The following CSMD1 variants were observed in gnomAD, a reference collection of about 807,000 sequenced individuals.
The protein encoded by CSMD1 is CUB and sushi domain-containing protein 1.
Under a neutral mutation model 417.5 loss-of-function variants are expected in CSMD1, and 213 were observed. The ratio of observed to expected loss-of-function variants is 0.51; its 90% CI spans 0.46 to 0.57. The LOEUF (loss-of-function observed/expected upper bound fraction) is 0.57. Ranked by LOEUF, CSMD1 falls within the 20% of genes least tolerant of loss-of-function variation. The pLI is 0.00. For synonymous variants in CSMD1, 2,862 were observed against 1,736.8 expected (o/e 1.65, Z -16.11); for missense variants, 6,923 against 4,529.7 (o/e 1.53, Z -15.17).
intron 1 of CSMD1, among the ~76,000 whole-genome samples, chr8:4,902,812 T>C (rs4875127): frequency 0.9 from 136,776 of 151,848 alleles, 61,829 homozygotes; most frequent in East Asian, 1. Context: ...TGTGTATCCT[T>C]TTCACAAAAT....
chr8:3,797,180 TTGAAATGTCAAAGAACTTCAATC>T (rs1454219954), intron 5 of CSMD1, among the ~76,000 whole-genome samples: 1 of 151,940 alleles, frequency 6.6e-6, no homozygotes. Context: ...TCTATTCAAC[TTGAAATGTCAAAGAACTTCAATC>T]TGAAATATCA....
At chr8:4,402,244 A>G (rs1489060958) in intron 3 of CSMD1, among the ~76,000 whole-genome samples, 1 of 152,102 alleles carries the variant, frequency 6.6e-6, no homozygotes, top group Non-Finnish European at 1.5e-5. Flanking sequence ...CATTCCCTCC[A>G]GGAACATCAT....
intron 2 of CSMD1, among the ~76,000 whole-genome samples, chr8:4,535,682 G>C (rs138389982): frequency 5.9e-4 from 90 of 152,182 alleles, no homozygotes; most frequent in African/African-American, 2.0e-3. Context: ...TTTCTGAGGA[G>C]CCCTGATCTC....
intron 2 of CSMD1, among the ~76,000 whole-genome samples, chr8:4,423,040 G>C (rs1345827487): frequency 6.6e-6 from 1 of 151,880 alleles, no homozygotes; most frequent in East Asian, 1.9e-4. Context: ...ACTTGACAAA[G>C]AATATCTCTA....
rs192272253 is a variant in CSMD1 at position 4,207,226 on chromosome 8, T to A, written c.416-175127A>T. On this transcript the variant is annotated intron_variant, in intron 3 of 69. Transcript: ENST00000635120. Reference sequence around the variant, plus strand: ...AATGAATGTGAAAAGTTGTATAACATGCAAATATAGCCAGCATTCCCATTA... The same window carrying A: ...AATGAATGTGAAAAGTTGTATAACAAGCAAATATAGCCAGCATTCCCATTA... Among the ~76,000 whole-genome samples the A allele has an allele frequency of 2.8e-3, 431 of 152,288 alleles. 1 individual carries two copies. Among genetic ancestry groups the A allele is most frequent in the African/African-American group, 9.5e-3 (393 of 41,578 alleles).
chr8:3,936,823 T>C (rs1810531720), intron 5 of CSMD1, among the ~76,000 whole-genome samples: 1 of 152,196 alleles, frequency 6.6e-6, no homozygotes. Flanking sequence ...CATAAGGCTA[T>C]TGCTGCATGG....
chr8:3,638,297 G>A (rs1023984772), intron 7 of CSMD1, among the ~76,000 whole-genome samples: 10 of 152,240 alleles, frequency 6.6e-5, no homozygotes, highest in Middle Eastern at 3.4e-3. Flanking sequence ...TAGAAAATGT[G>A]TCATCCATTT....
At chr8:4,186,193 A>T (rs774839099) in intron 3 of CSMD1, among the ~76,000 whole-genome samples, 2 of 152,254 alleles carry the variant, frequency 1.3e-5, no homozygotes, top group Non-Finnish European at 2.9e-5. Context: ...TGTTCCAGAG[A>T]ACATTGTGGA....
chr8:4,754,661 C>A (rs762483241), intron 1 of CSMD1, among the ~76,000 whole-genome samples: 5 of 151,904 alleles, frequency 3.3e-5, no homozygotes, highest in Non-Finnish European at 7.4e-5. Context: ...ACAATCCTGG[C>A]TAACATGGTG....
At chr8:4,770,249 T>C (rs1392695489) in intron 1 of CSMD1, among the ~76,000 whole-genome samples, 1 of 148,358 alleles carries the variant, frequency 6.7e-6, no homozygotes, top group Non-Finnish European at 1.5e-5. Context: ...ATATATGTAT[T>C]CCTAATTACA....
chr8:3,416,002 T>A (rs1378630995), intron 12 of CSMD1, among the ~76,000 whole-genome samples: 2 of 152,146 alleles, frequency 1.3e-5, no homozygotes, highest in Non-Finnish European at 2.9e-5. Context: ...TCAATTCTTT[T>A]TAAAAATAAG....
chr8:4,791,333 C>T (rs1797676997), intron 1 of CSMD1, among the ~76,000 whole-genome samples: 1 of 152,142 alleles, frequency 6.6e-6, no homozygotes, highest in African/African-American at 2.4e-5. Context: ...TTGGTGTGGA[C>T]TTGTTTTTAC....
chr8:4,879,599 G>A (rs1336425659), intron 1 of CSMD1, among the ~76,000 whole-genome samples: 1 of 152,062 alleles, frequency 6.6e-6, no homozygotes, highest in African/African-American at 2.4e-5. Context: ...AGAAAATAAG[G>A]AGACTGTAGT....
rs192916393 is a variant in CSMD1, at chr8:4,905,601, C to G, written c.85+88731G>C. Among the ~76,000 whole-genome samples, 140 of 151,896 alleles carry G rather than the reference C, an allele frequency of 9.2e-4. No homozygotes were observed. In the East Asian group the frequency reaches 0.023, roughly 25 times the overall value. On this transcript the variant is annotated intron_variant, in intron 1 of 69. Transcript: ENST00000635120. ...TTGGGAGGCCAAGGTGGGCCCATCA[C>G]GAGGTCATGAGATCGAGGCCATCCT...
chr8:3,180,841 T>C (rs1821277462), intron 37 of CSMD1, among the ~76,000 whole-genome samples: 1 of 151,862 alleles, frequency 6.6e-6, no homozygotes, highest in Admixed American at 6.6e-5. Context: ...ACGGGGTTTC[T>C]CCGTGTTGGA....
intron 2 of CSMD1, among the ~76,000 whole-genome samples, chr8:4,571,778 C>A (rs543867647): frequency 2.0e-5 from 3 of 152,154 alleles, no homozygotes; most frequent in Non-Finnish European, 4.4e-5. Context: ...CTTTGTACGT[C>A]TCTAAGAACT....
intron 2 of CSMD1, among the ~76,000 whole-genome samples, chr8:4,466,375 G>A (rs184520401): frequency 3.2e-4 from 48 of 152,232 alleles, no homozygotes; most frequent in African/African-American, 1.1e-3. Context: ...CCATGGAGAT[G>A]TATCGGGGAG....
rs1818576260 is a variant in CSMD1, at chr8:3,142,645, T to C, written c.6061A>G (p.Thr2021Ala). The C allele has an allele frequency of 6.2e-7, 1 of 1,613,900 alleles. No homozygotes were observed. The highest frequency in any genetic ancestry group is 8.5e-7 in the Non-Finnish European group (1 of 1,179,804). The part of the protein sequence containing the change: ...GAHIQFLNFS[T>A]EANHDFLEIQ... ...TCAAGGAAGTCATGATTAGCTTCGG[T>C]AGAAAAATTCAGAAACTGAATATGT... Residue 2021 changes from threonine (T) to alanine (A), a missense_variant, in exon 41 of 70, where the codon ACC becomes GCC. Physicochemically the swap from Thr to Ala is moderately conservative, Grantham distance 58. Coordinates refer to ENST00000635120, the MANE Select transcript of CSMD1 (RefSeq NM_033225.6).
At chr8:4,726,394 G>A (rs990854347) in intron 1 of CSMD1, among the ~76,000 whole-genome samples, 1 of 151,718 alleles carries the variant, frequency 6.6e-6, no homozygotes, top group Non-Finnish European at 1.5e-5. Context: ...ACTAAAAATA[G>A]AGCACTCTAC....
Sources: allele counts gnomAD v4.1 joint callset (sites outside exome capture counted in the v4.1 genomes callset), GRCh38; gene constraint gnomAD v4.1.1; transcripts MANE v1.5; gene names NCBI Gene and HGNC (gene_info 2026-07-23, HGNC 2026-07-21).